The following SIPA1 variants were observed in gnomAD, a reference collection of about 807,000 sequenced individuals.
SIPA1 encodes the protein signal-induced proliferation-associated 1.
A neutral mutation model predicts 88.1 loss-of-function variants in SIPA1; 51 were observed. That is an observed-to-expected ratio of 0.58 (90% confidence interval 0.46 to 0.73). The LOEUF (loss-of-function observed/expected upper bound fraction) is 0.73, where lower values mean the gene tolerates loss of function less well. Among genes scored for constraint, SIPA1 ranks in the 30% least tolerant of loss-of-function variants. The pLI is 0.00. For missense variants in SIPA1, 1,348 were observed against 1,467.6 expected (o/e 0.92, Z 1.33); for synonymous variants, 681 against 664.8 (o/e 1.02, Z -0.37).
chr11:65,647,618 G>A lies in SIPA1; in HGVS notation c.2266G>A (p.Val756Ile). The A allele has an allele frequency of 7.1e-7, 1 of 1,408,958 alleles. No individual in the cohort carries two copies. The highest frequency in any genetic ancestry group is 9.2e-7 in the Non-Finnish European group (1 of 1,085,748). The allele number at this position is 1,408,958 out of a possible 1,614,324, so 87.3% of individuals were successfully genotyped here. ...QLLRSAPKVC[V>I]TVLPPDESGR... Reference sequence around the variant, plus strand: ...CCTGCGCTCGGCGCCCAAGGTCTGCGTCACCGTCCTGCCCCCCGACGAGAG... The same window carrying A: ...CCTGCGCTCGGCGCCCAAGGTCTGCATCACCGTCCTGCCCCCCGACGAGAG... The change falls in exon 9 of 16, where the codon GTC becomes ATC. Residue 756 changes from valine (V) to isoleucine (I), a missense_variant. Transcript: ENST00000534313.
In SIPA1 at chr11:65,641,186, T is replaced by G. The variant is rs1288458165; in HGVS notation, c.265T>G (p.Phe89Val). 6.2e-7 allele frequency: 1 copy of G among 1,611,052 alleles called. No homozygotes were observed. The highest frequency in any genetic ancestry group is 2.2e-5 in the East Asian group (1 of 44,880). ...ACCTGCAGCCACTTCCACCCGGCTC[T>G]TCACTGACCCGCTGGCACTGCTGGG... is the stretch of plus-strand genomic sequence containing the variant. ...SRPAATSTRL[F>V]TDPLALLGLP... The change falls in exon 2 of 16, where the codon TTC (phenylalanine) becomes GTC (valine). Residue 89 changes from phenylalanine (F) to valine (V), a missense_variant. Phe to Val is a conservative substitution (Grantham distance 50, BLOSUM62 -1). Coordinates refer to ENST00000534313, the MANE Select transcript of SIPA1 (RefSeq NM_006747.4).
Position 65,642,183 on chromosome 11 carries a change from C to A in SIPA1, c.680-67C>A. ...GCCTAGGGCGGGGCTTAGTGATGCG[C>A]GTGGTCGAGCGGGGGCGGGGCTGCC... On this transcript the variant is annotated intron_variant, in intron 2 of 15. Coordinates refer to ENST00000534313, the MANE Select transcript of SIPA1 (RefSeq NM_006747.4). This position sits in a 1 kb window ranked among gnomAD's most constrained non-coding sequence, Gnocchi z 6.5. The A allele has an allele frequency of 6.5e-7, 1 of 1,528,004 alleles. No individual in the cohort carries two copies. Among genetic ancestry groups the A allele is most frequent in the East Asian group, 2.5e-5 (1 of 40,428 alleles). The allele number at this position is 1,528,004 out of a possible 1,614,324, so 94.7% of individuals were successfully genotyped here.
Position 65,641,477 on chromosome 11 carries a change from C to T in SIPA1, c.556C>T (p.Pro186Ser), listed in dbSNP as rs1256504141. 6.2e-7 allele frequency: 1 copy of T among 1,612,016 alleles called. No homozygotes were observed. The highest frequency in any genetic ancestry group is 1.7e-5 in the Admixed American group (1 of 60,024). The change falls in exon 2 of 16, where the codon CCC becomes TCC. Residue 186 changes from proline (P) to serine (S), a missense_variant. Coordinates refer to ENST00000534313, the MANE Select transcript of SIPA1 (RefSeq NM_006747.4). The stretch of plus-strand genomic sequence containing the variant: ...GGGTGGACCAGCATCCCCACCTGTG[C>T]CCCCTGCACTGCCCAACGCGGCCGT... The part of the protein sequence containing the change: ...GLGGPASPPV[P>S]PALPNAAVSI...
At chr11:65,649,917 T>A (rs375806629) in intron 12 of SIPA1, 33 bp from the exon 13 acceptor site, 1 of 1,613,354 alleles carries the variant, frequency 6.2e-7, no homozygotes, top group Non-Finnish European at 8.5e-7. Context: ...GCTCCTGGGC[T>A]TCCCTAGCTC....
At position 65,650,553 on chromosome 11, in the gene SIPA1, C is replaced by T. The variant is rs375234973; in HGVS notation, c.2983-16C>T. 4 of 1,609,100 alleles carry T rather than the reference C, an allele frequency of 2.5e-6. No homozygotes were observed. The highest frequency in any genetic ancestry group is 3.4e-6 in the Non-Finnish European group (4 of 1,177,342). ...AGGGGCTGGCGGCTCTGACTCCTGT[C>T]TCCCCGGCACCCCAGGAGAAGGCGG... is the stretch of plus-strand genomic sequence containing the variant. On this transcript the variant is annotated splice_polypyrimidine_tract_variant and intron_variant, in intron 15 of 15. Transcript: ENST00000534313.
Position 65,650,837 on chromosome 11 carries a change from CG to C in SIPA1, c.*124del, listed in dbSNP as rs1228001190. On this transcript the variant is annotated 3_prime_UTR_variant, in exon 16 of 16. Coordinates refer to ENST00000534313, the MANE Select transcript of SIPA1 (RefSeq NM_006747.4). ...CCCTCCCTAGCCCCTTATTTGGTGGCGGAAGTGGCCTCCACCCCTTCCCTGT... is the reference window on the plus strand; with the variant it reads ...CCCTCCCTAGCCCCTTATTTGGTGGCGAAGTGGCCTCCACCCCTTCCCTGT... 19 of 1,103,422 alleles carry C rather than the reference CG, an allele frequency of 1.7e-5. No homozygotes were observed. Among genetic ancestry groups the C allele is most frequent in the Non-Finnish European group, 2.4e-5 (19 of 801,302 alleles). 68.4% of individuals were successfully genotyped at this position (1,103,422 alleles called of 1,614,324 possible). A position where few individuals can be genotyped will look rare whatever the true frequency, so the allele number is the denominator to read the frequency against.
chr11:65,644,744 C>A (rs1279139861), intron 4 of SIPA1, among the ~76,000 whole-genome samples: 1 of 152,082 alleles, frequency 6.6e-6, no homozygotes, highest in East Asian at 1.9e-4. Flanking sequence ...TCTACTGCCA[C>A]ATGGGAACCA....
Position 65,641,600 on chromosome 11 carries a change from G to A in SIPA1, c.679G>A (p.Glu227Lys), listed in dbSNP as rs768880334. 2 of 1,602,406 alleles carry A rather than the reference G, an allele frequency of 1.2e-6. No individual in the cohort carries two copies. The highest frequency in any genetic ancestry group is 1.7e-5 in the Admixed American group (1 of 59,514). Residue 227 changes from glutamate (E) to lysine (K), a missense_variant and splice_region_variant, in exon 2 of 16, where the codon GAA becomes AAA. By Grantham distance (56) the Glu-to-Lys change is moderately conservative. Around this residue, in one of 4 missense-constraint regions of SIPA1, gnomAD observed 641 missense variants for 797.7 expected, o/e 0.80. Transcript: ENST00000534313. Reference sequence around the variant, plus strand: ...CTACCGCAAATACTTCTATGGCAAAGGTGAGGAAAGGCAGTTCCAGGGAGT... The same window carrying A: ...CTACCGCAAATACTTCTATGGCAAAAGTGAGGAAAGGCAGTTCCAGGGAGT... ...GYYRKYFYGK[E>K]HQNFFGMDES...
Position 65,647,021 on chromosome 11 carries a change from G to C in SIPA1, c.1987G>C (p.Gly663Arg), listed in dbSNP as rs1426191567. ...RGEAITLRFD[G>R]SPGQAVGEVV... ...GGAGGCGATCACGCTGCGCTTCGAC[G>C]GGTCCCCCGGCCAAGCCGTGGGCGA... The change falls in exon 8 of 16, where the codon GGG becomes CGG. Residue 663 changes from glycine (G) to arginine (R), a missense_variant. Transcript: ENST00000534313. 8 of 1,541,556 alleles carry C rather than the reference G, an allele frequency of 5.2e-6. No individual in the cohort carries two copies. Among genetic ancestry groups the C allele is most frequent in the Non-Finnish European group, 5.2e-6 (6 of 1,150,016 alleles).
chr11:65,650,799 C>CT lies in SIPA1; in HGVS notation c.*86dup. The CT allele has an allele frequency of 2.9e-6, 4 of 1,363,188 alleles. No individual in the cohort carries two copies. The South Asian group carries it at 5.9e-5, about 20-fold the overall frequency. 84.4% of individuals were successfully genotyped at this position (1,363,188 alleles called of 1,614,324 possible). On this transcript the variant is annotated 3_prime_UTR_variant, in exon 16 of 16. Coordinates refer to ENST00000534313, the MANE Select transcript of SIPA1 (RefSeq NM_006747.4). ...GAACTCTCCCTGCGCAGAGGCGTGTCTTAGCACTGCCCCCCTCCCTAGCCC... is the reference window on the plus strand; with the variant it reads ...GAACTCTCCCTGCGCAGAGGCGTGTCTTTAGCACTGCCCCCCTCCCTAGCCC...
Position 65,641,558 on chromosome 11 carries a change from G to C in SIPA1, c.637G>C (p.Asp213His). The C allele has an allele frequency of 6.2e-7, 1 of 1,612,156 alleles. No homozygotes were observed. The highest frequency in any genetic ancestry group is 8.5e-7 in the Non-Finnish European group (1 of 1,179,858). ...CTCGGCCTACAGCCTGGAGCACGCA[G>C]ACCTGGGTGCTGGCTACTACCGCAA... ...RTSAYSLEHA[D>H]LGAGYYRKYF... Residue 213 changes from aspartate (D) to histidine (H), a missense_variant, in exon 2 of 16, where the codon GAC (aspartate) becomes CAC (histidine). Transcript: ENST00000534313.
intron 9 of SIPA1, 71 bp from the exon 10 acceptor site, chr11:65,649,191 T>TG (rs1423498282): frequency 1.2e-5 from 14 of 1,131,952 alleles, no homozygotes; most frequent in Admixed American, 2.8e-5. Flanking sequence ...CCTGGCGGGC[T>TG]GGGGGTGGGG....
At chr11:65,648,791 G>A (rs531283280) in intron 9 of SIPA1, among the ~76,000 whole-genome samples, 22 of 151,412 alleles carry the variant, frequency 1.5e-4, no homozygotes, top group South Asian at 4.2e-4. Flanking sequence ...AGCTGTGATC[G>A]CGCCATTGCA....
At position 65,645,982 on chromosome 11, in the gene SIPA1, TG is replaced by T. The variant is rs776119058; in HGVS notation, c.1263+29del. The T allele has an allele frequency of 5.1e-6, 8 of 1,560,276 alleles. No individual in the cohort carries two copies. The African/African-American group carries it at 8.2e-5, about 16-fold the overall frequency. Reference sequence around the variant, plus strand: ...GGTGTGAGGGGGACCAACGTGGGGGTGGGGCTTCCGGGAACCATGGAGGGCC... The same window carrying T: ...GGTGTGAGGGGGACCAACGTGGGGGTGGGCTTCCGGGAACCATGGAGGGCC... On this transcript the variant is annotated intron_variant, in intron 6 of 15. Transcript: ENST00000534313.
In SIPA1 at chr11:65,649,602, C is replaced by T. The variant is rs1488478088; in HGVS notation, c.2567C>T (p.Pro856Leu). 31 of 1,614,004 alleles carry T rather than the reference C, an allele frequency of 1.9e-5. No homozygotes were observed. The highest frequency in any genetic ancestry group is 4.5e-5 in the East Asian group (2 of 44,904). The change falls in exon 11 of 16, where the codon CCG becomes CTG. Residue 856 changes from proline (P) to leucine (L), a missense_variant. Transcript: ENST00000534313. ...GCCCCAGTCCTGCCCAACACCACCCCGGACCTCCTCCTGGCCACCACAGCC... is the reference window on the plus strand; with the variant it reads ...GCCCCAGTCCTGCCCAACACCACCCTGGACCTCCTCCTGGCCACCACAGCC... ...DEAPVLPNTT[P>L]DLLLATTAKP... is the part of the protein sequence containing the mutation.
intron 5 of SIPA1, among the ~76,000 whole-genome samples, 184 bp downstream of exon 5, chr11:65,645,313 G>A (rs1413640181): frequency 2.0e-5 from 3 of 152,166 alleles, no homozygotes; most frequent in Admixed American, 6.5e-5. Context: ...GGCTGGGACT[G>A]TCCCTCAAGG....
At position 65,642,752 on chromosome 11, in the gene SIPA1, C is replaced by T; in HGVS notation, c.984+113C>T. ...CCTGATCCTGGGCTGGGTGGTGACCCCAGAAGAGCTGGCTTTTCAGAGACA... is the reference window on the plus strand; with the variant it reads ...CCTGATCCTGGGCTGGGTGGTGACCTCAGAAGAGCTGGCTTTTCAGAGACA... On this transcript the variant is annotated intron_variant, in intron 4 of 15. Transcript: ENST00000534313. The surrounding 1 kb of genome is among the most constrained non-coding windows in gnomAD (Gnocchi z 6.5). The T allele has an allele frequency of 9.5e-7, 1 of 1,048,348 alleles. No individual in the cohort carries two copies. Among genetic ancestry groups the T allele is most frequent in the Non-Finnish European group, 1.3e-6 (1 of 758,758 alleles). 64.9% of individuals were successfully genotyped at this position (1,048,348 alleles called of 1,614,324 possible).
In SIPA1 at chr11:65,649,630, GC is replaced by G; in HGVS notation, c.2597del (p.Pro866HisfsTer12). ...ACCTCCTCCTGGCCACCACAGCCAA[GC>G]CATCAGTACCCAGTGCTGACAGTGA... ...PDLLLATTAKPSVPSADSETP... is the reference protein window; with the variant it reads ...PDLLLATTAKXSVPSADSETP... On this transcript the variant is annotated frameshift_variant, in exon 11 of 16. Transcript: ENST00000534313. LOFTEE classifies it high-confidence loss of function. 6.2e-7 allele frequency: 1 copy of G among 1,614,064 alleles called. No individual in the cohort carries two copies. Among genetic ancestry groups the G allele is most frequent in the Non-Finnish European group, 8.5e-7 (1 of 1,180,024 alleles).
At position 65,650,732 on chromosome 11, in the gene SIPA1, T is replaced by G; in HGVS notation, c.*17T>G. 6.4e-7 allele frequency: 1 copy of G among 1,551,900 alleles called. No homozygotes were observed. Among genetic ancestry groups the G allele is most frequent in the East Asian group, 2.3e-5 (1 of 42,642 alleles). On this transcript the variant is annotated 3_prime_UTR_variant, in exon 16 of 16. Coordinates refer to ENST00000534313, the MANE Select transcript of SIPA1 (RefSeq NM_006747.4). ...CTGGCCTGAGCCGTCTGGAACCACC[T>G]GGGCCCCTGAGGGCACTGTGGTCAC...
Sources: allele counts gnomAD v4.1 joint callset (sites outside exome capture counted in the v4.1 genomes callset), GRCh38; gene constraint gnomAD v4.1.1; regional missense constraint gnomAD v4.1.1; non-coding constraint Gnocchi (gnomAD v3.1); transcripts MANE v1.5; gene names NCBI Gene and HGNC (gene_info 2026-07-23, HGNC 2026-07-21).